Variants in PLXNA4 observed in about 807,000 individuals in gnomAD.
PLXNA4 encodes plexin A4.
A neutral mutation model predicts 191.8 loss-of-function variants in PLXNA4; 44 were observed. The observed-to-expected ratio is 0.23, with a 90% confidence interval of 0.18 to 0.29. The LOEUF is 0.29. Among genes scored for constraint, PLXNA4 ranks in the 10% least tolerant of loss-of-function variants. PLXNA4 has a pLI of 1.00. For synonymous variants in PLXNA4, 1,082 were observed against 1,009.5 expected (o/e 1.07, Z -1.36); for missense variants, 1,800 against 2,488.8 (o/e 0.72, Z 5.89).
At chr7:132,441,357 G>A (rs1428755304) in intron 3 of PLXNA4, among the ~76,000 whole-genome samples, 1 of 152,186 alleles carries the variant, frequency 6.6e-6, no homozygotes, top group Admixed American at 6.5e-5. Flanking sequence ...ACCAGTAAGG[G>A]GAGGCTGATA....
rs536508066 is a variant in PLXNA4 at position 132,328,470 on chromosome 7, G to C, written c.1372-30248C>G. The stretch of plus-strand genomic sequence containing the variant: ...GATGCCTGGGGCTAATAGGAGCGGG[G>C]GGGCCTCCTGCCCCTGCCCCACACC... On this transcript the variant is annotated intron_variant, in intron 3 of 31. Coordinates refer to ENST00000321063, the MANE Select transcript of PLXNA4 (RefSeq NM_020911.2). Among the ~76,000 whole-genome samples, 29 of 152,266 alleles carry C rather than the reference G, an allele frequency of 1.9e-4. 1 individual carries two copies. The highest frequency in any genetic ancestry group is 6.8e-3 in the Middle Eastern group (2 of 294).
rs535442403 is a variant in PLXNA4, at chr7:132,214,902, T to C, written c.2098-3759A>G. ...AAATTCCTCTCCCAAATGACCATTT[T>C]GGGGATTCCATAAACTAACACATAT... On this transcript the variant is annotated intron_variant, in intron 9 of 31. Coordinates refer to ENST00000321063, the MANE Select transcript of PLXNA4 (RefSeq NM_020911.2). Among the ~76,000 whole-genome samples the C allele has an allele frequency of 5.9e-5, 9 of 152,302 alleles. No homozygotes were observed. The East Asian group carries it at 9.7e-4, about 16-fold the overall frequency.
intron 23 of PLXNA4, 63 bp downstream of exon 23, chr7:132,165,071 C>T: frequency 1.3e-6 from 2 of 1,581,522 alleles, no homozygotes; most frequent in South Asian, 1.2e-5. Context: ...GTGGAGCGAT[C>T]CCCAGTCAGG....
In PLXNA4 at chr7:132,576,455, G is replaced by T; in HGVS notation, c.-120C>A. 1 of 985,680 alleles carries T rather than the reference G, an allele frequency of 1.0e-6. No homozygotes were observed. 61.1% of individuals were successfully genotyped at this position (985,680 alleles called of 1,614,324 possible). ...GCCGCGTTTCCCTCCTTCAGCGGGA[G>T]CGCCGCATTGACACTGCAGATGGAG... On this transcript the variant is annotated 5_prime_UTR_variant, in exon 1 of 32. Transcript: ENST00000321063. The surrounding 1 kb of genome is among the most constrained non-coding windows in gnomAD (Gnocchi z 5.8).
In PLXNA4 at chr7:132,128,664, A is replaced by G. The variant is rs1339529091; in HGVS notation, c.*1815T>C. The G allele has an allele frequency of 2.0e-5, 3 of 152,232 alleles. No homozygotes were observed. Among genetic ancestry groups the G allele is most frequent in the Non-Finnish European group, 4.4e-5 (3 of 68,052 alleles). 9.4% of individuals were successfully genotyped at this position (152,232 alleles called of 1,614,324 possible). A position where few individuals can be genotyped will look rare whatever the true frequency, so the allele number is the denominator to read the frequency against. ...CACACATGTGCACATATTCATATCC[A>G]AAGGGGCAAGTGTTCTTAAAAGTAC... On this transcript the variant is annotated 3_prime_UTR_variant, in exon 32 of 32. Transcript: ENST00000321063.
intron 3 of PLXNA4, among the ~76,000 whole-genome samples, chr7:132,316,283 G>T (rs11763310): frequency 0.055 from 8,373 of 152,126 alleles, 264 homozygotes; most frequent in Middle Eastern, 0.086. Flanking sequence ...CAACTTTTTG[G>T]GTTTAGGTTA....
At chr7:132,132,445 C>CTGTT (rs1391879858) in intron 31 of PLXNA4, among the ~76,000 whole-genome samples, 1 of 51,604 alleles carries the variant, frequency 1.9e-5, no homozygotes, top group Admixed American at 2.7e-4. Flanking sequence ...CTGTTCTGTT[C>CTGTT]TGTTCTGTTC....
intron 27 of PLXNA4, among the ~76,000 whole-genome samples, chr7:132,146,939 T>C (rs188930115): frequency 1.3e-5 from 2 of 152,360 alleles, no homozygotes; most frequent in Admixed American, 6.5e-5. Flanking sequence ...CTTCTTCCTG[T>C]ACTCTGCATC....
At chr7:132,429,930 C>A (rs182029916) in intron 3 of PLXNA4, among the ~76,000 whole-genome samples, 2 of 152,164 alleles carry the variant, frequency 1.3e-5, no homozygotes, top group Non-Finnish European at 2.9e-5. Context: ...AGAACCCAGT[C>A]CCCAGGAGCA....
chr7:132,571,615 C>A (rs542903440), intron 1 of PLXNA4, among the ~76,000 whole-genome samples: 2 of 152,152 alleles, frequency 1.3e-5, no homozygotes, highest in Non-Finnish European at 2.9e-5. Context: ...AGCAACCTGG[C>A]GCCTTGGACA....
chr7:132,643,420 C>G (rs540633989), intron 2 of PLXNA4, among the ~76,000 whole-genome samples: 15 of 151,320 alleles, frequency 9.9e-5, no homozygotes, highest in African/African-American at 3.4e-4. Flanking sequence ...GACCCCCCAG[C>G]CCCCACCCCA....
chr7:132,257,491 T>G (rs1406179694), intron 4 of PLXNA4, among the ~76,000 whole-genome samples: 1 of 152,188 alleles, frequency 6.6e-6, no homozygotes, highest in African/African-American at 2.4e-5. Context: ...TCTGACTTCA[T>G]GAGACTTTAC....
At chr7:132,235,579 A>G (rs1480778076) in intron 5 of PLXNA4, among the ~76,000 whole-genome samples, 5 of 152,204 alleles carry the variant, frequency 3.3e-5, no homozygotes, top group African/African-American at 1.2e-4. Context: ...GGGAGACTTT[A>G]TGAAAGCTGA....
chr7:132,472,771 T>C (rs530381404), intron 3 of PLXNA4, among the ~76,000 whole-genome samples: 30 of 152,076 alleles, frequency 2.0e-4, no homozygotes, highest in Non-Finnish European at 4.3e-4. Flanking sequence ...CTCAGCTCAC[T>C]AAAAGGGAGC....
rs1356450271 is a variant in PLXNA4 at position 132,140,822 on chromosome 7, G to A, written c.5226-11C>T. The stretch of plus-strand genomic sequence containing the variant: ...AACCTCAGGGGCAGGCTGCGTGGAA[G>A]GAAGAGGCAGATGGTCAGGAAAGAC... On this transcript the variant is annotated splice_polypyrimidine_tract_variant and intron_variant, in intron 29 of 31. Coordinates refer to ENST00000321063, the MANE Select transcript of PLXNA4 (RefSeq NM_020911.2). 1.7e-5 allele frequency: 27 copies of A among 1,613,726 alleles called. No individual in the cohort carries two copies. Among genetic ancestry groups the A allele is most frequent in the Non-Finnish European group, 2.2e-5 (26 of 1,179,846 alleles).
intron 2 of PLXNA4, among the ~76,000 whole-genome samples, chr7:132,596,374 A>G (rs1458202347): frequency 6.6e-6 from 1 of 152,198 alleles, no homozygotes; most frequent in Non-Finnish European, 1.5e-5. Context: ...GGTCCACACC[A>G]GCACCTCCAC....
intron 2 of PLXNA4, among the ~76,000 whole-genome samples, chr7:132,587,013 G>A (rs1231056179): frequency 6.6e-6 from 1 of 152,178 alleles, no homozygotes; most frequent in Admixed American, 6.5e-5. Context: ...CAATGGGATC[G>A]TAAGCTGTAT....
chr7:132,131,773 C>T lies in PLXNA4; in HGVS notation c.5590-1199G>A, dbSNP rs749837217. 4.6e-5 allele frequency among the ~76,000 whole-genome samples: 7 copies of T among 152,230 alleles called. No homozygotes were observed. In the East Asian group the frequency reaches 7.7e-4, roughly 17 times the overall value. ...TAGCATCCTTATTATCTTGCATTGC[C>T]GCAGGCAGGGGAAAACTCTGCCCCA... is the stretch of plus-strand genomic sequence containing the variant. On this transcript the variant is annotated intron_variant, in intron 31 of 31. Coordinates refer to ENST00000321063, the MANE Select transcript of PLXNA4 (RefSeq NM_020911.2).
chr7:132,553,169 G>A (rs576421830), intron 1 of PLXNA4, among the ~76,000 whole-genome samples: 17 of 152,272 alleles, frequency 1.1e-4, no homozygotes, highest in Admixed American at 5.9e-4. Context: ...TTGCAGATGC[G>A]TCCTGAGATA....
Sources: allele counts gnomAD v4.1 joint callset (sites outside exome capture counted in the v4.1 genomes callset), GRCh38; gene constraint gnomAD v4.1.1; non-coding constraint Gnocchi (gnomAD v3.1); transcripts MANE v1.5; gene names NCBI Gene and HGNC (gene_info 2026-07-23, HGNC 2026-07-21).